Variants in HYCC1 observed in about 807,000 individuals in gnomAD.
The protein encoded by HYCC1 is hyccin PI4KA lipid kinase complex subunit 1, also known as hyccin.
At chr7:23,013,860 CA>C in the HYCC1 span, 14 of 449,506 alleles carry the variant, frequency 3.1e-5, no homozygotes, top group East Asian at 2.1e-4. Context: ...TCCTCCCTGA[CA>C]AAAAAAAGTT....
chr7:22,976,812 G>C, the HYCC1 span: 2 of 1,564,716 alleles, frequency 1.3e-6, no homozygotes, highest in Non-Finnish European at 1.8e-6. Context: ...TGGAAGGCTA[G>C]AGAAAAGACA....
At chr7:22,951,658 G>A in the HYCC1 span, among the ~76,000 whole-genome samples, 1 of 151,724 alleles carries the variant, frequency 6.6e-6, no homozygotes, top group Non-Finnish European at 1.5e-5. Flanking sequence ...TATTCATTAA[G>A]CTATTCCTTA....
chr7:22,971,331 GATT>G, the HYCC1 span, among the ~76,000 whole-genome samples: 1 of 148,370 alleles, frequency 6.7e-6, no homozygotes, highest in Admixed American at 6.7e-5. Flanking sequence ...ATTATTATCA[GATT>G]ATTATTATCG....
At chr7:22,970,126 C>T in the HYCC1 span, among the ~76,000 whole-genome samples, 1 of 152,092 alleles carries the variant, frequency 6.6e-6, no homozygotes, top group African/African-American at 2.4e-5. Flanking sequence ...GAAAGATTTA[C>T]AAAGGAAATA....
the HYCC1 span, among the ~76,000 whole-genome samples, chr7:23,009,359 C>G: frequency 6.6e-6 from 1 of 151,986 alleles, no homozygotes; most frequent in Non-Finnish European, 1.5e-5. Flanking sequence ...TTGATATTTC[C>G]ACTCTTTTAG....
the HYCC1 span, among the ~76,000 whole-genome samples, chr7:22,929,075 A>C: frequency 1.3e-5 from 2 of 152,358 alleles, no homozygotes; most frequent in South Asian, 2.1e-4. Flanking sequence ...AACCTGACAA[A>C]AACAAGCAAT....
At chr7:22,945,757 C>T in the HYCC1 span, 33 of 1,613,632 alleles carry the variant, frequency 2.0e-5, no homozygotes, top group African/African-American at 2.7e-5. Flanking sequence ...CAGCAGATGA[C>T]GGGTTATGTG....
the HYCC1 span, chr7:22,945,971 T>C: frequency 9.3e-6 from 15 of 1,613,768 alleles, no homozygotes; most frequent in African/African-American, 1.3e-5. Flanking sequence ...CCCTGTAGTT[T>C]CTTTTTCTTT....
At chr7:22,975,568 A>G in the HYCC1 span, among the ~76,000 whole-genome samples, 2 of 152,206 alleles carry the variant, frequency 1.3e-5, no homozygotes, top group Non-Finnish European at 2.9e-5. Context: ...AAATGCAAAC[A>G]AAAAGAAGCC....
the HYCC1 span, among the ~76,000 whole-genome samples, chr7:22,970,928 A>G: frequency 6.6e-6 from 1 of 152,222 alleles, no homozygotes; most frequent in Non-Finnish European, 1.5e-5. Context: ...AGAGCAGCTG[A>G]GTGCCATAAC....
the HYCC1 span, chr7:22,985,758 G>A: frequency 2.0e-5 from 3 of 150,166 alleles, 1 homozygote; most frequent in Admixed American, 1.3e-4. Flanking sequence ...ATATAAAAGG[G>A]AATAACAGTC....
chr7:22,938,794 C>G, the HYCC1 span: 1 of 151,854 alleles, frequency 6.6e-6, no homozygotes, highest in Admixed American at 6.6e-5. Flanking sequence ...TATAAGCCAT[C>G]AACTGAGGAA....
At chr7:23,012,618 G>C in the HYCC1 span, among the ~76,000 whole-genome samples, 1 of 151,994 alleles carries the variant, frequency 6.6e-6, no homozygotes, top group Non-Finnish European at 1.5e-5. Context: ...TTCCTTCCTT[G>C]TCTTTGCCTG....
the HYCC1 span, among the ~76,000 whole-genome samples, chr7:22,922,849 C>T: frequency 2.0e-5 from 3 of 152,078 alleles, no homozygotes; most frequent in Non-Finnish European, 2.9e-5. Flanking sequence ...AAAGTGTCAA[C>T]CCATCAGGAA....
At chr7:23,008,239 G>C in the HYCC1 span, among the ~76,000 whole-genome samples, 4 of 152,046 alleles carry the variant, frequency 2.6e-5, no homozygotes, top group African/African-American at 9.7e-5. Context: ...ATCTTTCTAT[G>C]TTCCATCAGG....
chr7:22,965,075 A>C, the HYCC1 span, among the ~76,000 whole-genome samples: 2 of 151,594 alleles, frequency 1.3e-5, no homozygotes, highest in Non-Finnish European at 2.9e-5. Context: ...TGGAGGTTGC[A>C]GTAAGCCAAG....
At chr7:22,926,196 A>C in the HYCC1 span, among the ~76,000 whole-genome samples, 5 of 152,118 alleles carry the variant, frequency 3.3e-5, no homozygotes, top group African/African-American at 1.2e-4. Flanking sequence ...TAAACATGGA[A>C]AGGAACAACC....
chr7:22,926,171 T>G, the HYCC1 span, among the ~76,000 whole-genome samples: 1 of 151,624 alleles, frequency 6.6e-6, no homozygotes, highest in Non-Finnish European at 1.5e-5. Flanking sequence ...CTAAAAGAGC[T>G]CCTGAAGGAA....
the HYCC1 span, among the ~76,000 whole-genome samples, chr7:22,919,079 T>G: frequency 6.6e-6 from 1 of 152,062 alleles, no homozygotes; most frequent in African/African-American, 2.4e-5. Context: ...TCATAAAAAA[T>G]TCTGAGACAT....
Sources: allele counts gnomAD v4.1 joint callset (sites outside exome capture counted in the v4.1 genomes callset), GRCh38; gene constraint gnomAD v4.1.1; transcripts MANE v1.5; gene names NCBI Gene and HGNC (gene_info 2026-07-23, HGNC 2026-07-21).